SLC25A46: variants seen among roughly 807,000 people sequenced by gnomAD.
SLC25A46 encodes the protein mitochondrial outer membrane protein SLC25A46.
In SLC25A46, 39 loss-of-function variants were observed where a neutral mutation model predicts 44.6. That is an observed-to-expected ratio of 0.87 (90% CI 0.68 to 1.14). The LOEUF (loss-of-function observed/expected upper bound fraction) is 1.14. SLC25A46 is among the 50% of genes most tolerant of loss of function. The pLI, the probability that SLC25A46 is intolerant of heterozygous loss-of-function variation, is 0.00. For synonymous variants in SLC25A46, 202 were observed against 185.8 expected (o/e 1.09, Z -0.71); for missense variants, 547 against 522.7 (o/e 1.05, Z -0.45).
At chr5:110,740,882 G>A (rs955402584) in intron 1 of SLC25A46, among the ~76,000 whole-genome samples, 3 of 152,312 alleles carry the variant, frequency 2.0e-5, no homozygotes, top group African/African-American at 4.8e-5. Flanking sequence ...AACCCGGGAG[G>A]CGGAGCTTGC....
rs1800089099 is a variant in SLC25A46 at position 110,755,523 on chromosome 5, T to C, written c.620+2T>C. 5 of 1,569,756 alleles carry C rather than the reference T, an allele frequency of 3.2e-6. No homozygotes were observed. The highest frequency in any genetic ancestry group is 1.4e-5 in the African/African-American group (1 of 72,490). On this transcript the variant is annotated splice_donor_variant, in intron 6 of 7. Transcript: ENST00000355943. LOFTEE classifies it high-confidence loss of function. ...AGGAGAACACCTTCTACTGAAATCG[T>C]AAGTATCAAAAAATGGCATTTTTAT...
chr5:110,753,834 A>G (rs1200899191), intron 5 of SLC25A46: 1 of 152,150 alleles, frequency 6.6e-6, no homozygotes, highest in African/African-American at 2.4e-5. Flanking sequence ...AGTGTTTACC[A>G]CAGTTTCATA....
intron 7 of SLC25A46, among the ~76,000 whole-genome samples, chr5:110,759,645 G>A (rs1456837198): frequency 6.6e-6 from 1 of 152,090 alleles, no homozygotes; most frequent in Non-Finnish European, 1.5e-5. Flanking sequence ...GGTAAGAGGG[G>A]ACCAGATTAC....
intron 7 of SLC25A46, among the ~76,000 whole-genome samples, chr5:110,759,835 G>A (rs1418309053): frequency 1.3e-5 from 2 of 151,948 alleles, no homozygotes; most frequent in Non-Finnish European, 2.9e-5. Flanking sequence ...GTAGGAAGAT[G>A]GATTAGAAGG....
At chr5:110,744,712 CTT>C (rs1005860485) in intron 3 of SLC25A46, among the ~76,000 whole-genome samples, 44 of 152,236 alleles carry the variant, frequency 2.9e-4, no homozygotes, top group African/African-American at 9.9e-4. Flanking sequence ...AACAATCTCA[CTT>C]TGTTTATTTT....
At position 110,763,175 on chromosome 5, in the gene SLC25A46, A is replaced by G. The variant is rs1162609341; in HGVS notation, c.*1393A>G. 6.6e-6 allele frequency: 1 copy of G among 151,956 alleles called. No homozygotes were observed. Among genetic ancestry groups the G allele is most frequent in the Non-Finnish European group, 1.5e-5 (1 of 67,912 alleles). 9.4% of individuals were successfully genotyped at this position (151,956 alleles called of 1,614,324 possible). A position where few individuals can be genotyped will look rare whatever the true frequency, so the allele number is the denominator to read the frequency against. On this transcript the variant is annotated 3_prime_UTR_variant, in exon 8 of 8. Transcript: ENST00000355943. ...TTTAAAGTTTCATGTCTTCACGTGA[A>G]TAATCACAGTTGTATCATGAACCAT...
At chr5:110,738,974 A>G, upstream of SLC25A46, 1 of 1,452,028 alleles carries the variant, frequency 6.9e-7, no homozygotes. Context: ...TGCTCCGAAG[A>G]CTTCCGGGTT....
chr5:110,762,629 C>CTGT lies in SLC25A46; in HGVS notation c.*849_*851dup, dbSNP rs1221995221. 1 of 151,832 alleles carries CTGT rather than the reference C, an allele frequency of 6.6e-6. No homozygotes were observed. Among genetic ancestry groups the CTGT allele is most frequent in the African/African-American group, 2.4e-5 (1 of 41,394 alleles). The allele number at this position is 151,832 out of a possible 1,614,324, so 9.4% of individuals were successfully genotyped here. On this transcript the variant is annotated 3_prime_UTR_variant, in exon 8 of 8. Coordinates refer to ENST00000355943, the MANE Select transcript of SLC25A46 (RefSeq NM_138773.4). ...TTTGCTAGTTGTGTGAATCATTGGG[C>CTGT]TGTTTTTAGAGCCACTGTTAAGAGA...
At chr5:110,752,506 A>G (rs1580863585) in intron 5 of SLC25A46, among the ~76,000 whole-genome samples, 1 of 152,144 alleles carries the variant, frequency 6.6e-6, no homozygotes, top group South Asian at 2.1e-4. Context: ...TTCAACTCCA[A>G]CTTAGTTTTG....
At chr5:110,747,328 AT>A (rs1298254105) in intron 4 of SLC25A46, among the ~76,000 whole-genome samples, 2 of 152,110 alleles carry the variant, frequency 1.3e-5, no homozygotes, top group Non-Finnish European at 2.9e-5. Context: ...TCTCCAGGAT[AT>A]TTTTTATGTT....
At chr5:110,747,297 G>T (rs1020283517) in intron 4 of SLC25A46, among the ~76,000 whole-genome samples, 1 of 152,154 alleles carries the variant, frequency 6.6e-6, no homozygotes, top group Admixed American at 6.5e-5. Flanking sequence ...GGGTAGCTCT[G>T]TGTATACTAA....
chr5:110,760,916 T>C (rs912348737), intron 7 of SLC25A46, among the ~76,000 whole-genome samples: 7 of 152,116 alleles, frequency 4.6e-5, no homozygotes, highest in African/African-American at 7.2e-5. Context: ...TACATAGTTA[T>C]TGCCTTTCCA....
intron 6 of SLC25A46, 79 bp from the exon 7 acceptor site, chr5:110,756,623 C>T: frequency 1.1e-6 from 1 of 882,586 alleles, no homozygotes; most frequent in Non-Finnish European, 1.8e-6. Flanking sequence ...ATTATGTTGA[C>T]ATATTAAAGC....
chr5:110,740,679 T>C (rs531230152), intron 1 of SLC25A46, among the ~76,000 whole-genome samples: 1 of 152,098 alleles, frequency 6.6e-6, no homozygotes, highest in Non-Finnish European at 1.5e-5. Flanking sequence ...AGGCCGGGCG[T>C]GGTGGCTCAC....
intron 3 of SLC25A46, among the ~76,000 whole-genome samples, chr5:110,744,266 C>G (rs1056606506): frequency 3.9e-5 from 6 of 152,094 alleles, no homozygotes; most frequent in African/African-American, 1.4e-4. Flanking sequence ...ATATTATATT[C>G]TTTTGAGATA....
At chr5:110,748,635 C>T (rs921264214) in intron 5 of SLC25A46, among the ~76,000 whole-genome samples, 3 of 152,142 alleles carry the variant, frequency 2.0e-5, no homozygotes, top group African/African-American at 7.2e-5. Flanking sequence ...CTTTCAGCTT[C>T]TACTGCTATG....
At chr5:110,739,528 C>A in intron 1 of SLC25A46, 126 bp downstream of exon 1, 3 of 1,311,362 alleles carry the variant, frequency 2.3e-6, no homozygotes, top group Non-Finnish European at 3.0e-6. Flanking sequence ...GCGCGCCACA[C>A]CCTTTGCCCT....
Position 110,761,601 on chromosome 5 carries a change from T to G in SLC25A46, c.1076T>G (p.Val359Gly). 1 of 1,613,750 alleles carries G rather than the reference T, an allele frequency of 6.2e-7. No individual in the cohort carries two copies. The highest frequency in any genetic ancestry group is 8.5e-7 in the Non-Finnish European group (1 of 1,179,740). Residue 359 changes from valine (V) to glycine (G), a missense_variant, in exon 8 of 8, where the codon GTG becomes GGG. Coordinates refer to ENST00000355943, the MANE Select transcript of SLC25A46 (RefSeq NM_138773.4). This position sits in a 1 kb window ranked among gnomAD's most constrained non-coding sequence, Gnocchi z 5.3. Reference protein sequence around the residue: ...IIDNTDLGYEVLPINTQYEGM... With the variant: ...IIDNTDLGYEGLPINTQYEGM... ...GACAATACAGACCTTGGCTATGAAG[T>G]GCTTCCAATTAATACACAATATGAG...
At chr5:110,750,346 A>T (rs536909844) in intron 5 of SLC25A46, among the ~76,000 whole-genome samples, 6 of 152,212 alleles carry the variant, frequency 3.9e-5, no homozygotes, top group East Asian at 1.9e-4. Flanking sequence ...TAGTACTTAT[A>T]GTCAAATATT....
Sources: allele counts gnomAD v4.1 joint callset (sites outside exome capture counted in the v4.1 genomes callset), GRCh38; gene constraint gnomAD v4.1.1; non-coding constraint Gnocchi (gnomAD v3.1); transcripts MANE v1.5; gene names NCBI Gene and HGNC (gene_info 2026-07-23, HGNC 2026-07-21).